The following MINDY4 variants were observed in gnomAD, a reference collection of about 807,000 sequenced individuals.
MINDY4 encodes the protein probable ubiquitin carboxyl-terminal hydrolase MINDY-4.
Under a neutral mutation model 87.0 loss-of-function variants are expected in MINDY4, and 68 were observed. That is an observed-to-expected ratio of 0.78 (90% CI 0.64 to 0.96). MINDY4 has a LOEUF of 0.96. MINDY4 is among the 40% of genes least tolerant of loss of function. The pLI is 0.00. For missense variants in MINDY4, 919 were observed against 928.2 expected (o/e 0.99, Z 0.13); for synonymous variants, 379 against 363.2 (o/e 1.04, Z -0.50).
intron 6 of MINDY4, among the ~76,000 whole-genome samples, chr7:30,829,976 T>C (rs1400492228): frequency 6.6e-6 from 1 of 151,668 alleles, no homozygotes; most frequent in Non-Finnish European, 1.5e-5. Context: ...GCTCAGCTAA[T>C]GATTTAGGAA....
chr7:30,825,089 A>G (rs1389561807), intron 5 of MINDY4, among the ~76,000 whole-genome samples: 1 of 152,142 alleles, frequency 6.6e-6, no homozygotes, highest in East Asian at 1.9e-4. Flanking sequence ...GCTTTGATAC[A>G]TGTCTCCGGG....
chr7:30,839,830 G>C (rs1167552870), intron 8 of MINDY4, among the ~76,000 whole-genome samples: 3 of 152,140 alleles, frequency 2.0e-5, no homozygotes, highest in Non-Finnish European at 4.4e-5. Flanking sequence ...TAGAAGCTGG[G>C]CCAGCGGAGG....
At chr7:30,782,274 A>G in intron 3 of MINDY4, 62 bp downstream of exon 3, 1 of 1,265,412 alleles carries the variant, frequency 7.9e-7, no homozygotes, top group Non-Finnish European at 1.1e-6. Flanking sequence ...ATTACTATGT[A>G]CTTCATGGCT....
chr7:30,887,543 A>G (rs1790667177), intron 17 of MINDY4, among the ~76,000 whole-genome samples: 1 of 152,240 alleles, frequency 6.6e-6, no homozygotes, highest in African/African-American at 2.4e-5. Context: ...AGGAGCAGGC[A>G]GAGAGGAGAG....
chr7:30,810,972 T>C (rs573975906), intron 5 of MINDY4, among the ~76,000 whole-genome samples: 19 of 152,298 alleles, frequency 1.2e-4, no homozygotes, highest in African/African-American at 4.6e-4. Flanking sequence ...TGGTTTATCT[T>C]CCACTTTTCT....
intron 16 of MINDY4, among the ~76,000 whole-genome samples, chr7:30,882,642 T>C (rs1435221513): frequency 1.3e-5 from 2 of 152,160 alleles, no homozygotes; most frequent in African/African-American, 4.8e-5. Flanking sequence ...TTTGGATGTA[T>C]TCTTCAGGCA....
intron 9 of MINDY4, among the ~76,000 whole-genome samples, chr7:30,842,237 T>C (rs532685038): frequency 7.9e-5 from 12 of 152,350 alleles, no homozygotes; most frequent in Non-Finnish European, 1.5e-4. Flanking sequence ...TTCTCTCTGC[T>C]TCCCCTCCCC....
At chr7:30,789,867 G>A (rs1373047890) in intron 4 of MINDY4, among the ~76,000 whole-genome samples, 1 of 152,060 alleles carries the variant, frequency 6.6e-6, no homozygotes, top group Non-Finnish European at 1.5e-5. Flanking sequence ...CATCTTTGAC[G>A]GTAAGGGAGG....
intron 5 of MINDY4, among the ~76,000 whole-genome samples, chr7:30,791,888 A>C (rs1359802184): frequency 6.6e-6 from 1 of 152,196 alleles, no homozygotes; most frequent in Admixed American, 6.5e-5. Flanking sequence ...TGAGCTAAAA[A>C]AAAATTGCAA....
At position 30,771,448 on chromosome 7, in the gene MINDY4, G is replaced by T. The variant is rs750649675; in HGVS notation, c.-46G>T. 6 of 1,579,264 alleles carry T rather than the reference G, an allele frequency of 3.8e-6. No individual in the cohort carries two copies. Among genetic ancestry groups the T allele is most frequent in the South Asian group, 3.5e-5 (3 of 85,958 alleles). ...CGCCGGACAGACCCAGTTGCCTGGT[G>T]CTGCGGCCCGGCGTGGGCCTCGTGG... On this transcript the variant is annotated 5_prime_UTR_variant, in exon 1 of 18. Coordinates refer to ENST00000265299, the MANE Select transcript of MINDY4 (RefSeq NM_032222.3).
chr7:30,887,105 G>C (rs890585971), intron 17 of MINDY4, among the ~76,000 whole-genome samples: 1 of 152,152 alleles, frequency 6.6e-6, no homozygotes, highest in Non-Finnish European at 1.5e-5. Context: ...GCCTTCGAGG[G>C]GCAGAGGCAG....
At chr7:30,815,253 C>A (rs1788112584) in intron 5 of MINDY4, among the ~76,000 whole-genome samples, 2 of 152,234 alleles carry the variant, frequency 1.3e-5, no homozygotes, top group Non-Finnish European at 2.9e-5. Flanking sequence ...TGACTTTAGA[C>A]CTCCCTGGGA....
At chr7:30,824,614 T>G (rs1788440089) in intron 5 of MINDY4, among the ~76,000 whole-genome samples, 1 of 152,174 alleles carries the variant, frequency 6.6e-6, no homozygotes, top group Non-Finnish European at 1.5e-5. Context: ...TTATTTTTAT[T>G]TTTTAGAGGT....
rs114877561 is a variant in MINDY4, at chr7:30,781,920, C to A, written c.184-57C>A. The A allele has an allele frequency of 2.2e-3, 2,654 of 1,227,120 alleles. 58 individuals carry two copies. The African/African-American group carries it at 0.036, about 17-fold the overall frequency. 76.0% of individuals were successfully genotyped at this position (1,227,120 alleles called of 1,614,324 possible). A position where few individuals can be genotyped will look rare whatever the true frequency, so the allele number is the denominator to read the frequency against. ...AAAGAAGTGGAATAGTTGTCTTTTC[C>A]ACTCTTCCCTGAAGCTGTATATAAA... On this transcript the variant is annotated intron_variant, in intron 2 of 17. Coordinates refer to ENST00000265299, the MANE Select transcript of MINDY4 (RefSeq NM_032222.3).
At chr7:30,869,309 G>A (rs897586059) in intron 13 of MINDY4, among the ~76,000 whole-genome samples, 6 of 152,210 alleles carry the variant, frequency 3.9e-5, no homozygotes, top group Non-Finnish European at 2.9e-5. Flanking sequence ...TAGAGGAGGA[G>A]AAGGATGGGA....
In MINDY4 at chr7:30,808,056, C is replaced by T. The variant is rs554410466; in HGVS notation, c.1073+16482C>T. Among the ~76,000 whole-genome samples, 12 of 152,310 alleles carry T rather than the reference C, an allele frequency of 7.9e-5. 2 individuals carry two copies. Among genetic ancestry groups the T allele is most frequent in the African/African-American group, 2.4e-4 (10 of 41,574 alleles). ...TGGACGGTCAAGGCAGCCCCTTAGG[C>T]GGCTTAGGCCTGCCCTGTGGGGGAC... On this transcript the variant is annotated intron_variant, in intron 5 of 17. Coordinates refer to ENST00000265299, the MANE Select transcript of MINDY4 (RefSeq NM_032222.3).
intron 6 of MINDY4, among the ~76,000 whole-genome samples, chr7:30,834,010 G>A (rs1340475841): frequency 6.6e-6 from 1 of 152,236 alleles, no homozygotes; most frequent in Non-Finnish European, 1.5e-5. Flanking sequence ...GGCTGGTGTT[G>A]AGTGTCTGTG....
chr7:30,872,168 G>A (rs1367914753), intron 13 of MINDY4, 75 bp from the exon 14 acceptor site: 2 of 1,357,066 alleles, frequency 1.5e-6, no homozygotes, highest in Non-Finnish European at 2.1e-6. Flanking sequence ...CCTAAGGGGA[G>A]CGCCTGGTCA....
At chr7:30,867,665 C>T (rs979043432) in intron 13 of MINDY4, among the ~76,000 whole-genome samples, 1 of 152,142 alleles carries the variant, frequency 6.6e-6, no homozygotes, top group African/African-American at 2.4e-5. Flanking sequence ...ATAAACCCCA[C>T]GAAAGGGCTG....
Sources: gnomAD v4.1 joint callset for allele counts (sites outside exome capture counted in the v4.1 genomes callset) on GRCh38, gnomAD v4.1.1 for gene constraint, MANE v1.5 for transcripts, NCBI Gene and HGNC (gene_info 2026-07-23, HGNC 2026-07-21) for gene names.